Variants in GEMIN5 observed in about 807,000 individuals in gnomAD.
GEMIN5 encodes gem nuclear organelle associated protein 5.
Under a neutral mutation model 176.9 loss-of-function variants are expected in GEMIN5, and 124 were observed. The ratio of observed to expected loss-of-function variants is 0.70; its 90% CI spans 0.61 to 0.81. GEMIN5 has a LOEUF of 0.81. GEMIN5 is among the 40% of genes least tolerant of loss of function. GEMIN5 has a pLI of 0.00. For synonymous variants in GEMIN5, 673 were observed against 665.2 expected (o/e 1.01, Z -0.18); for missense variants, 1,843 against 1,814.6 (o/e 1.02, Z -0.28).
chr5:154,904,697 T>C (rs1201489343), intron 17 of GEMIN5, 68 bp from the exon 18 acceptor site: 5 of 1,229,986 alleles, frequency 4.1e-6, no homozygotes, highest in Non-Finnish European at 6.0e-6. Context: ...GAATGCCTAT[T>C]GTGTGAATGT....
intron 9 of GEMIN5, among the ~76,000 whole-genome samples, chr5:154,921,948 C>A (rs928641730): frequency 2.0e-5 from 3 of 152,126 alleles, no homozygotes; most frequent in Non-Finnish European, 2.9e-5. Context: ...GAATGCTTAA[C>A]TTTGTAGAAA....
rs566436846 is a variant in GEMIN5, at chr5:154,931,484, C to G, written c.755G>C (p.Arg252Pro). 1.2e-6 allele frequency: 2 copies of G among 1,612,568 alleles called. No homozygotes were observed. The highest frequency in any genetic ancestry group is 1.3e-5 in the African/African-American group (1 of 74,920). ...TCGGCCTCTAGAACAGCTCCAGATT[C>G]GAATGGTTTGATCTTTGCTTCCAGT... The part of the protein sequence containing the change: ...LATGSKDQTI[R>P]IWSCSRGRGV... Residue 252 changes from arginine to proline, a missense_variant, in exon 5 of 28, where the codon CGA becomes CCA. By Grantham distance (103) the Arg-to-Pro change is moderately radical. Coordinates refer to ENST00000285873, the MANE Select transcript of GEMIN5 (RefSeq NM_015465.5).
At chr5:154,922,442 A>C (rs1763943358) in intron 9 of GEMIN5, among the ~76,000 whole-genome samples, 1 of 151,842 alleles carries the variant, frequency 6.6e-6, no homozygotes, top group African/African-American at 2.4e-5. Context: ...GCTGGCAGCC[A>C]CTGTGCCCGG....
chr5:154,929,718 T>A (rs558785281), intron 5 of GEMIN5, among the ~76,000 whole-genome samples: 2 of 152,366 alleles, frequency 1.3e-5, no homozygotes, highest in South Asian at 4.1e-4. Context: ...TTAGCTGCAG[T>A]ATGCCAAGAA....
Position 154,912,903 on chromosome 5 carries a change from G to A in GEMIN5, c.1991C>T (p.Ala664Val), listed in dbSNP as rs776674770. ...RLVSASYDGT[A>V]QVWDALREEP... ...GGGACAAGGACACAATAGTACCTGG[G>A]CTGTACCATCATAGGAAGCAGATAC... is the stretch of plus-strand genomic sequence containing the variant. Residue 664 changes from alanine (A) to valine (V), a missense_variant, in exon 14 of 28, where the codon GCC becomes GTC. By Grantham distance (64) the Ala-to-Val change is moderately conservative. Coordinates refer to ENST00000285873, the MANE Select transcript of GEMIN5 (RefSeq NM_015465.5). The A allele has an allele frequency of 1.2e-5, 20 of 1,613,216 alleles. No homozygotes were observed. Among genetic ancestry groups the A allele is most frequent in the Non-Finnish European group, 1.6e-5 (19 of 1,179,528 alleles).
chr5:154,928,095 AT>A (rs1764083737), intron 6 of GEMIN5, among the ~76,000 whole-genome samples: 1 of 152,200 alleles, frequency 6.6e-6, no homozygotes, highest in African/African-American at 2.4e-5. Context: ...ATGTGAGTAT[AT>A]TGGACTACCC....
intron 23 of GEMIN5, 69 bp from the exon 24 acceptor site, chr5:154,896,412 C>A: frequency 6.9e-7 from 1 of 1,445,904 alleles, no homozygotes; most frequent in Non-Finnish European, 9.2e-7. Context: ...GAGAGCTCTC[C>A]CGTGTCCTTC....
Position 154,901,411 on chromosome 5 carries a change from G to A in GEMIN5, c.2942C>T (p.Ala981Val), listed in dbSNP as rs752967948. The change falls in exon 21 of 28, where the codon GCT becomes GTT. Residue 981 changes from alanine to valine, a missense_variant. By Grantham distance (64) the Ala-to-Val change is moderately conservative (BLOSUM62 0). Transcript: ENST00000285873. The stretch of plus-strand genomic sequence containing the variant: ...GTGGATGGAAAGTAGGTGAGAAGCA[G>A]CCTTGACATACTGATCCTGAAAACA... ...QLCFQDQYVK[A>V]ASHLLSIHKV... 1 of 1,613,958 alleles carries A rather than the reference G, an allele frequency of 6.2e-7. No homozygotes were observed. Among genetic ancestry groups the A allele is most frequent in the Non-Finnish European group, 8.5e-7 (1 of 1,179,842 alleles).
chr5:154,913,555 G>A (rs780201244), intron 13 of GEMIN5, among the ~76,000 whole-genome samples: 1 of 152,102 alleles, frequency 6.6e-6, no homozygotes, highest in Non-Finnish European at 1.5e-5. Flanking sequence ...CAGGCGTGTC[G>A]GCTCACGCCT....
chr5:154,916,632 C>T (rs1471524821), intron 13 of GEMIN5, among the ~76,000 whole-genome samples: 2 of 152,036 alleles, frequency 1.3e-5, no homozygotes. Flanking sequence ...GGACTAAAGG[C>T]ATGCACCTCT....
In GEMIN5 at chr5:154,932,306, T is replaced by C. The variant is rs993019703; in HGVS notation, c.510-56A>G. 3.8e-6 allele frequency: 5 copies of C among 1,331,918 alleles called. No homozygotes were observed. In the African/African-American group the frequency reaches 7.4e-5, roughly 20 times the overall value. The allele number at this position is 1,331,918 out of a possible 1,614,324, so 82.5% of individuals were successfully genotyped here. ...AAAAATGAAGACAGAACAGAGTCTC[T>C]AGTAAACATTTTGGCTTGGAGTTAC... On this transcript the variant is annotated intron_variant, in intron 3 of 27. Coordinates refer to ENST00000285873, the MANE Select transcript of GEMIN5 (RefSeq NM_015465.5).
Position 154,937,274 on chromosome 5 carries a change from AT to A in GEMIN5, c.167-90del, listed in dbSNP as rs1764289552. On this transcript the variant is annotated intron_variant, in intron 1 of 27. Transcript: ENST00000285873. ...CTGTTGTTGGATGACAAGTGAGCAG[AT>A]GCTTTGGAGTTACTTAACCCATGGT... 3 of 1,101,674 alleles carry A rather than the reference AT, an allele frequency of 2.7e-6. No homozygotes were observed. In the South Asian group the frequency reaches 5.1e-5, roughly 19 times the overall value. 68.2% of individuals were successfully genotyped at this position (1,101,674 alleles called of 1,614,324 possible). A position where few individuals can be genotyped will look rare whatever the true frequency, so the allele number is the denominator to read the frequency against.
At position 154,889,308 on chromosome 5, in the gene GEMIN5, C is replaced by T; in HGVS notation, c.4359+13G>A. On this transcript the variant is annotated intron_variant, in intron 27 of 27. Transcript: ENST00000285873. ...AAGTGATGCTTTACCAAATGAACTGCTTTAACTCTTACCTTAATGCTCTCA... is the reference window on the plus strand; with the variant it reads ...AAGTGATGCTTTACCAAATGAACTGTTTTAACTCTTACCTTAATGCTCTCA... 1.5e-6 allele frequency: 2 copies of T among 1,374,622 alleles called. No individual in the cohort carries two copies. The highest frequency in any genetic ancestry group is 2.1e-6 in the Non-Finnish European group (2 of 961,776). The allele number at this position is 1,374,622 out of a possible 1,614,324, so 85.2% of individuals were successfully genotyped here.
chr5:154,905,430 T>C lies in GEMIN5; in HGVS notation c.2442A>G (p.Glu814=). 1 of 1,609,930 alleles carries C rather than the reference T, an allele frequency of 6.2e-7. No individual in the cohort carries two copies. The highest frequency in any genetic ancestry group is 1.3e-5 in the African/African-American group (1 of 74,880). Reference sequence around the variant, plus strand: ...TGTTATTAATGGTGACTTTTGACTTTTCAAAGCCTGAGGAAACTGGAGTGC... The same window carrying C: ...TGTTATTAATGGTGACTTTTGACTTCTCAAAGCCTGAGGAAACTGGAGTGC... ...VICTPVSSGF[E]KSKVTINNKV... The change falls in exon 17 of 28, where the codon GAA becomes GAG. Residue 814 remains glutamate (E), a synonymous_variant. Coordinates refer to ENST00000285873, the MANE Select transcript of GEMIN5 (RefSeq NM_015465.5).
At chr5:154,903,625 A>C (rs1763509671) in intron 18 of GEMIN5, among the ~76,000 whole-genome samples, 1 of 152,184 alleles carries the variant, frequency 6.6e-6, no homozygotes, top group Non-Finnish European at 1.5e-5. Context: ...CCATCAAGAC[A>C]CAAGAAACTG....
intron 13 of GEMIN5, 151 bp downstream of exon 13, chr5:154,916,847 G>A (rs925085583): frequency 2.5e-5 from 11 of 444,002 alleles, no homozygotes; most frequent in Non-Finnish European, 4.3e-5. Flanking sequence ...TTTAAAATAA[G>A]ATGAATCTAT....
At position 154,905,394 on chromosome 5, in the gene GEMIN5, T is replaced by C. The variant is rs1454852807; in HGVS notation, c.2478A>G (p.Leu826=). The change falls in exon 17 of 28, where the codon TTA becomes TTG. Residue 826 remains leucine, a synonymous_variant. Transcript: ENST00000285873. ...SKVTINNKVI[L]LKKEPPKEKP... ...TCTCTTTTGGTGGCTCCTTTTTCAG[T>C]AAAATGACTTTGTTATTAATGGTGA... The C allele has an allele frequency of 6.2e-7, 1 of 1,605,864 alleles. No individual in the cohort carries two copies. Among genetic ancestry groups the C allele is most frequent in the Non-Finnish European group, 8.5e-7 (1 of 1,174,482 alleles).
At chr5:154,900,273 A>C (rs1422894389) in intron 21 of GEMIN5, among the ~76,000 whole-genome samples, 1 of 152,250 alleles carries the variant, frequency 6.6e-6, no homozygotes, top group Non-Finnish European at 1.5e-5. Flanking sequence ...ATGACATACA[A>C]CTGCTGAGTT....
At position 154,891,702 on chromosome 5, in the gene GEMIN5, G is replaced by A; in HGVS notation, c.3801C>T (p.Ser1267=). The change falls in exon 26 of 28, where the codon TCC becomes TCT. Residue 1267 remains serine, a synonymous_variant. Transcript: ENST00000285873. Reference sequence around the variant, plus strand: ...AACTTTTGAAAGCTGGTGTGGCAGGGGATTGATGGTCCCCCAACTTGTCTC... The same window carrying A: ...AACTTTTGAAAGCTGGTGTGGCAGGAGATTGATGGTCCCCCAACTTGTCTC... ...HLRDKLGDHQ[S]PATPAFKSLE... The A allele has an allele frequency of 6.2e-7, 1 of 1,608,370 alleles. No individual in the cohort carries two copies. The highest frequency in any genetic ancestry group is 1.1e-5 in the South Asian group (1 of 90,084).
Sources: allele counts gnomAD v4.1 joint callset (sites outside exome capture counted in the v4.1 genomes callset), GRCh38; gene constraint gnomAD v4.1.1; transcripts MANE v1.5; gene names NCBI Gene and HGNC (gene_info 2026-07-23, HGNC 2026-07-21).